TANGO6: variants seen among roughly 807,000 people sequenced by gnomAD.
TANGO6 encodes transport and Golgi organization protein 6 homolog.
Under a neutral mutation model 114.2 loss-of-function variants are expected in TANGO6, and 90 were observed. The observed-to-expected ratio is 0.79, with a 90% CI of 0.66 to 0.94. The LOEUF is 0.94. TANGO6 is among the 40% of genes least tolerant of loss of function. TANGO6 has a pLI of 0.00. For synonymous variants in TANGO6, 477 were observed against 509.8 expected (o/e 0.94, Z 0.87); for missense variants, 1,274 against 1,315.3 (o/e 0.97, Z 0.49).
At chr16:69,037,607 T>C (rs2152233451) in intron 16 of TANGO6, among the ~76,000 whole-genome samples, 1 of 152,326 alleles carries the variant, frequency 6.6e-6, no homozygotes, top group South Asian at 2.1e-4. Context: ...TTGTTGCCTA[T>C]TTGGAGGTTG....
chr16:68,956,494 T>G (rs1963531159), intron 14 of TANGO6, among the ~76,000 whole-genome samples: 1 of 152,112 alleles, frequency 6.6e-6, no homozygotes, highest in Non-Finnish European at 1.5e-5. Context: ...CTTCACCTGT[T>G]CCCAAGGGTC....
chr16:69,031,909 C>T (rs570905012), intron 16 of TANGO6, among the ~76,000 whole-genome samples: 11 of 152,004 alleles, frequency 7.2e-5, no homozygotes, highest in South Asian at 2.1e-4. Flanking sequence ...GCAACCTGCC[C>T]GCCTCAGCCT....
chr16:68,871,675 A>G (rs1376431765), intron 4 of TANGO6, among the ~76,000 whole-genome samples: 1 of 151,998 alleles, frequency 6.6e-6, no homozygotes, highest in African/African-American at 2.4e-5. Flanking sequence ...GCTGGAGTGC[A>G]GTGGCATGAT....
chr16:68,969,808 T>C (rs1963684937), intron 14 of TANGO6, among the ~76,000 whole-genome samples: 1 of 152,174 alleles, frequency 6.6e-6, no homozygotes, highest in South Asian at 2.1e-4. Context: ...GGCTTTTCTA[T>C]CCAGAAAGTC....
chr16:69,022,093 A>G (rs1959418067), intron 15 of TANGO6, among the ~76,000 whole-genome samples: 1 of 151,790 alleles, frequency 6.6e-6, no homozygotes, highest in Non-Finnish European at 1.5e-5. Flanking sequence ...TCACCGTGTT[A>G]GCCAGGATGG....
intron 11 of TANGO6, among the ~76,000 whole-genome samples, chr16:68,916,908 C>T (rs1195072840): frequency 6.6e-6 from 1 of 152,164 alleles, no homozygotes; most frequent in Non-Finnish European, 1.5e-5. Flanking sequence ...TCTACATTGA[C>T]ACATCACCAC....
intron 14 of TANGO6, among the ~76,000 whole-genome samples, chr16:68,953,072 T>C (rs1252133856): frequency 6.8e-6 from 1 of 147,432 alleles, no homozygotes; most frequent in Non-Finnish European, 1.5e-5. Flanking sequence ...ATTATTATTA[T>C]TATTATTATT....
chr16:69,083,089 T>A (rs1173817946), intron 17 of TANGO6, among the ~76,000 whole-genome samples: 1 of 147,050 alleles, frequency 6.8e-6, no homozygotes, highest in Non-Finnish European at 1.5e-5. Flanking sequence ...GGCCATGCAT[T>A]ATCTTCTTTT....
chr16:68,883,369 T>C lies in TANGO6; in HGVS notation c.1377+2739T>C, dbSNP rs1962491923. 2.6e-5 allele frequency among the ~76,000 whole-genome samples: 4 copies of C among 152,312 alleles called. No individual in the cohort carries two copies. In the South Asian group the frequency reaches 8.3e-4, roughly 32 times the overall value. On this transcript the variant is annotated intron_variant, in intron 7 of 17. Transcript: ENST00000261778. ...ATACAAAAATTTCTCTCTCTCAAGA[T>C]TTGCCTATTGTGTACCTTTCATATA...
At chr16:68,999,486 A>G (rs1964020678) in intron 15 of TANGO6, among the ~76,000 whole-genome samples, 1 of 152,192 alleles carries the variant, frequency 6.6e-6, no homozygotes, top group African/African-American at 2.4e-5. Context: ...TGGTAAAATA[A>G]CCAGTGTCTC....
At chr16:68,939,411 T>A (rs962126499) in intron 14 of TANGO6, among the ~76,000 whole-genome samples, 11 of 151,946 alleles carry the variant, frequency 7.2e-5, no homozygotes, top group Admixed American at 7.2e-4. Context: ...ACAAAAACCA[T>A]AGTGGAAACT....
At chr16:69,045,334 C>G (rs1241568696) in intron 17 of TANGO6, among the ~76,000 whole-genome samples, 1 of 147,124 alleles carries the variant, frequency 6.8e-6, no homozygotes, top group Non-Finnish European at 1.5e-5. Context: ...GTCCTAGCTA[C>G]TCGGGAGGCT....
chr16:68,977,058 G>T (rs1386868515), intron 15 of TANGO6, among the ~76,000 whole-genome samples: 1 of 152,168 alleles, frequency 6.6e-6, no homozygotes, highest in African/African-American at 2.4e-5. Flanking sequence ...AGATTTTGGA[G>T]AACAAAGTGG....
chr16:69,083,397 C>A, intron 17 of TANGO6, 88 bp from the exon 18 acceptor site: 1 of 1,428,080 alleles, frequency 7.0e-7, no homozygotes, highest in Non-Finnish European at 9.3e-7. Flanking sequence ...CCTCACAGAT[C>A]TCCTCAGGCA....
rs1466495994 is a variant in TANGO6, at chr16:68,928,006, G to A, written c.2566G>A (p.Ala856Thr). Residue 856 changes from alanine (A) to threonine (T), a missense_variant, in exon 13 of 18, where the codon GCT (alanine) becomes ACT (threonine). Ala to Thr is a moderately conservative substitution (Grantham distance 58). Transcript: ENST00000261778. ...TGACCCTCAAATTCCAACACGGGCT[G>A]CTGCCCTGCGTACTCTTTCCCACTG... ...AYDPQIPTRA[A>T]ALRTLSHWIE... 1.2e-6 allele frequency: 2 copies of A among 1,610,414 alleles called. No individual in the cohort carries two copies. The highest frequency in any genetic ancestry group is 1.7e-6 in the Non-Finnish European group (2 of 1,178,434).
At position 69,083,427 on chromosome 16, in the gene TANGO6, T is replaced by C; in HGVS notation, c.3109-58T>C. On this transcript the variant is annotated intron_variant, in intron 17 of 17. Transcript: ENST00000261778. ...CAGGCAGGAGGAGAGGGCAGTTCAG[T>C]CGTACTGAGAAATGCCGGCACAGTA... 3.2e-6 allele frequency: 5 copies of C among 1,538,914 alleles called. No individual in the cohort carries two copies. The South Asian group carries it at 6.2e-5, about 19-fold the overall frequency.
chr16:69,050,198 T>C (rs2152236963), intron 17 of TANGO6, among the ~76,000 whole-genome samples: 1 of 152,310 alleles, frequency 6.6e-6, no homozygotes, highest in African/African-American at 2.4e-5. Flanking sequence ...CCACCAGCAA[T>C]GCATGAGGTT....
chr16:68,968,096 C>T (rs1963663215), intron 14 of TANGO6, among the ~76,000 whole-genome samples: 1 of 151,712 alleles, frequency 6.6e-6, no homozygotes, highest in African/African-American at 2.4e-5. Context: ...GACAGAGTCT[C>T]ACTCTGTCGC....
chr16:68,961,747 A>G (rs1963593786), intron 14 of TANGO6, among the ~76,000 whole-genome samples: 1 of 152,214 alleles, frequency 6.6e-6, no homozygotes, highest in Admixed American at 6.5e-5. Context: ...AGAGGTAGAC[A>G]CTGGGTATGG....
Sources: gnomAD v4.1 joint callset for allele counts (sites outside exome capture counted in the v4.1 genomes callset) on GRCh38, gnomAD v4.1.1 for gene constraint, MANE v1.5 for transcripts, NCBI Gene and HGNC (gene_info 2026-07-23, HGNC 2026-07-21) for gene names.